The following GLIS3 variants were observed in gnomAD, a reference collection of about 807,000 sequenced individuals.
The protein encoded by GLIS3 is zinc finger protein GLIS3.
A neutral mutation model predicts 78.6 loss-of-function variants in GLIS3; 53 were observed. That is an observed-to-expected ratio of 0.67 (90% CI 0.54 to 0.85). The LOEUF (loss-of-function observed/expected upper bound fraction) is 0.85, where lower values mean the gene tolerates loss of function less well. GLIS3 is among the 40% of genes least tolerant of loss of function. The pLI is 0.00. For missense variants in GLIS3, 1,703 were observed against 1,231.1 expected (o/e 1.38, Z -5.74); for synonymous variants, 684 against 509.9 (o/e 1.34, Z -4.60).
At chr9:4,191,268 T>C (rs1438175257) in intron 2 of GLIS3, among the ~76,000 whole-genome samples, 1 of 152,170 alleles carries the variant, frequency 6.6e-6, no homozygotes, top group African/African-American at 2.4e-5. Context: ...GACCCATCAG[T>C]GTGCTGTATT....
At chr9:4,176,565 A>G (rs1413413980) in intron 2 of GLIS3, among the ~76,000 whole-genome samples, 1 of 151,944 alleles carries the variant, frequency 6.6e-6, no homozygotes, top group Non-Finnish European at 1.5e-5. Context: ...TTTTTTCACT[A>G]TTAAAAAAAA....
chr9:3,873,326 A>G (rs1821085161), intron 8 of GLIS3, among the ~76,000 whole-genome samples: 1 of 152,206 alleles, frequency 6.6e-6, no homozygotes, highest in Admixed American at 6.5e-5. Flanking sequence ...CCTGATAAAC[A>G]GAGACAAAAA....
chr9:3,946,246 G>A (rs974184985), intron 4 of GLIS3, among the ~76,000 whole-genome samples: 5 of 152,192 alleles, frequency 3.3e-5, no homozygotes, highest in Admixed American at 2.0e-4. Context: ...ACAAGGTACT[G>A]AGTCTTATTA....
intron 4 of GLIS3, among the ~76,000 whole-genome samples, chr9:4,060,615 G>C (rs758865973): frequency 1.3e-5 from 2 of 152,032 alleles, no homozygotes; most frequent in African/African-American, 4.8e-5. Context: ...GAGTTAGTTC[G>C]TTCAGACCCG....
chr9:4,201,409 A>C (rs10814878), intron 2 of GLIS3, among the ~76,000 whole-genome samples: 152,234 of 152,334 alleles, frequency 1, 76,067 homozygotes, highest in Non-Finnish European at 1. Context: ...TCTTTGTGGA[A>C]AATCTGATTC....
chr9:3,953,785 CTCTCTCTCTCTATA>C (rs1318283519), intron 4 of GLIS3, among the ~76,000 whole-genome samples: 278 of 42,268 alleles, frequency 6.6e-3, no homozygotes, highest in Non-Finnish European at 9.2e-3. Flanking sequence ...CTCTCTCTCT[CTCTCTCTCTCTATA>C]TATATATATA....
chr9:4,454,429 G>A, the GLIS3 span, among the ~76,000 whole-genome samples: 237 of 152,248 alleles, frequency 1.6e-3, no homozygotes, highest in Non-Finnish European at 1.6e-3. Flanking sequence ...TTACAGATGA[G>A]AAAAATAAAG....
At chr9:4,043,987 C>T (rs1222902500) in intron 4 of GLIS3, among the ~76,000 whole-genome samples, 1 of 152,090 alleles carries the variant, frequency 6.6e-6, no homozygotes, top group African/African-American at 2.4e-5. Context: ...CAATGGAAGG[C>T]AATATGATGG....
In GLIS3 at chr9:4,199,767, C is replaced by G. The variant is rs541672229; in HGVS notation, c.389-73826G>C. Among the ~76,000 whole-genome samples, 4 of 152,150 alleles carry G rather than the reference C, an allele frequency of 2.6e-5. No homozygotes were observed. The East Asian group carries it at 7.7e-4, about 29-fold the overall frequency. On this transcript the variant is annotated intron_variant, in intron 2 of 10. Transcript: ENST00000381971. ...ACAGATCATTGAGGCAAAAAACAAACAAACAAAATCTGTAGTTAAATTCAA... is the reference window on the plus strand; with the variant it reads ...ACAGATCATTGAGGCAAAAAACAAAGAAACAAAATCTGTAGTTAAATTCAA...
At chr9:3,911,578 T>C (rs1327448337) in intron 6 of GLIS3, among the ~76,000 whole-genome samples, 3 of 152,234 alleles carry the variant, frequency 2.0e-5, no homozygotes, top group Non-Finnish European at 4.4e-5. Flanking sequence ...TAACCACTTA[T>C]AATAGCCTAT....
At chr9:4,039,381 G>A (rs1051676159) in intron 4 of GLIS3, among the ~76,000 whole-genome samples, 4 of 152,116 alleles carry the variant, frequency 2.6e-5, no homozygotes, top group African/African-American at 7.2e-5. Context: ...ATTTTCTACA[G>A]GTATCCAAGC....
At chr9:3,890,741 ACAAAC>A (rs1177420191) in intron 7 of GLIS3, among the ~76,000 whole-genome samples, 1 of 150,112 alleles carries the variant, frequency 6.7e-6, no homozygotes, top group Non-Finnish European at 1.5e-5. Flanking sequence ...AAAAAACAAA[ACAAAC>A]CAAACAACAA....
the GLIS3 span, among the ~76,000 whole-genome samples, chr9:4,475,624 A>C: frequency 6.6e-6 from 1 of 152,202 alleles, no homozygotes; most frequent in African/African-American, 2.4e-5. Flanking sequence ...TAAGTAGAAA[A>C]AGAATGAGGA....
At chr9:4,015,208 C>T (rs144526973) in intron 4 of GLIS3, among the ~76,000 whole-genome samples, 17 of 152,168 alleles carry the variant, frequency 1.1e-4, no homozygotes, top group African/African-American at 3.9e-4. Flanking sequence ...CATGGAAGGC[C>T]GTGTGTGCAG....
chr9:4,192,466 T>C (rs1273555887), intron 2 of GLIS3, among the ~76,000 whole-genome samples: 2 of 152,220 alleles, frequency 1.3e-5, no homozygotes, highest in Non-Finnish European at 2.9e-5. Context: ...GAACAACCAA[T>C]TTCCAAACAA....
chr9:4,049,520 G>A (rs137901215), intron 4 of GLIS3, among the ~76,000 whole-genome samples: 1 of 152,278 alleles, frequency 6.6e-6, no homozygotes, highest in South Asian at 2.1e-4. Flanking sequence ...GGAGTGTCGT[G>A]TACTGAGCTA....
chr9:4,369,076 A>G, the GLIS3 span, among the ~76,000 whole-genome samples: 1 of 152,208 alleles, frequency 6.6e-6, no homozygotes, highest in East Asian at 1.9e-4. Context: ...TCAGACCACA[A>G]GTACTTAGAT....
chr9:4,025,974 A>C (rs1823303219), intron 4 of GLIS3, among the ~76,000 whole-genome samples: 2 of 152,186 alleles, frequency 1.3e-5, no homozygotes, highest in South Asian at 2.1e-4. Context: ...ACAAAATGCT[A>C]CAGGTAATGT....
chr9:4,039,193 C>G (rs1045148632), intron 4 of GLIS3, among the ~76,000 whole-genome samples: 2 of 152,178 alleles, frequency 1.3e-5, no homozygotes, highest in Non-Finnish European at 2.9e-5. Context: ...AATAGGGCAC[C>G]TGGTTATTCT....
Sources: allele counts gnomAD v4.1 joint callset (sites outside exome capture counted in the v4.1 genomes callset), GRCh38; gene constraint gnomAD v4.1.1; transcripts MANE v1.5; gene names NCBI Gene and HGNC (gene_info 2026-07-23, HGNC 2026-07-21).